The following TANC2 variants were observed in gnomAD, a reference collection of about 807,000 sequenced individuals.
TANC2 encodes the protein tetratricopeptide repeat, ankyrin repeat and coiled-coil containing 2.
TANC2 carries 26 observed loss-of-function variants against 210.5 expected under a neutral mutation model. The ratio of observed to expected loss-of-function variants is 0.12; its 90% confidence interval spans 0.09 to 0.17. The LOEUF is 0.17. Ranked by LOEUF, TANC2 falls within the 10% of genes least tolerant of loss-of-function variation. The probability of loss-of-function intolerance (pLI) is 1.00; values close to 1 mark genes in which losing one functional copy is unlikely to be tolerated. For synonymous variants in TANC2, 931 were observed against 967.1 expected, an observed-to-expected ratio of 0.96 and a Z score of 0.69; for missense variants, 2,129 against 2,608.9, an observed-to-expected ratio of 0.82 and a Z score of 4.01.
chr17:63,173,965 C>T (rs1183420011), intron 5 of TANC2, among the ~76,000 whole-genome samples: 1 of 152,214 alleles, frequency 6.6e-6, no homozygotes, highest in Non-Finnish European at 1.5e-5. Flanking sequence ...TAATTCCACT[C>T]TACAAGTTCT....
chr17:63,337,112 C>T (rs888698315), intron 11 of TANC2, among the ~76,000 whole-genome samples: 5 of 152,118 alleles, frequency 3.3e-5, no homozygotes, highest in African/African-American at 4.8e-5. Flanking sequence ...ATACCTACTA[C>T]GTAACTACTT....
chr17:63,099,397 C>A, intron 4 of TANC2, 40 bp downstream of exon 4: 1 of 1,403,610 alleles, frequency 7.1e-7, no homozygotes, highest in Non-Finnish European at 9.5e-7. Context: ...TAACAGGAAA[C>A]CTAACGATAT....
At chr17:63,397,406 T>C (rs536933850) in intron 18 of TANC2, among the ~76,000 whole-genome samples, 8 of 152,386 alleles carry the variant, frequency 5.2e-5, no homozygotes, top group South Asian at 2.1e-4. Flanking sequence ...TTGTAACTTA[T>C]AACGAAAGTT....
chr17:63,113,567 G>A (rs1438522571), intron 4 of TANC2, among the ~76,000 whole-genome samples: 1 of 152,148 alleles, frequency 6.6e-6, no homozygotes, highest in African/African-American at 2.4e-5. Flanking sequence ...GAGTGTGGTG[G>A]CACAATCACT....
intron 5 of TANC2, chr17:63,151,645 A>G (rs1273921578): frequency 6.6e-6 from 1 of 152,424 alleles, no homozygotes; most frequent in Non-Finnish European, 1.5e-5. Context: ...AGTTTTAGGT[A>G]AGTAGGGTTA....
chr17:62,980,331 C>G (rs540920627), intron 1 of TANC2, among the ~76,000 whole-genome samples: 1 of 152,276 alleles, frequency 6.6e-6, no homozygotes, highest in Non-Finnish European at 1.5e-5. Context: ...AGGATCCATA[C>G]AGATGCTTTT....
chr17:63,226,442 G>A (rs2042331319), intron 7 of TANC2, among the ~76,000 whole-genome samples: 1 of 152,126 alleles, frequency 6.6e-6, no homozygotes, highest in Non-Finnish European at 1.5e-5. Flanking sequence ...AGCCAGTGGT[G>A]TGCTGTGGCC....
chr17:63,133,210 G>A lies in TANC2; in HGVS notation c.323-18060G>A, dbSNP rs555367145. Among the ~76,000 whole-genome samples, 22 of 151,968 alleles carry A rather than the reference G, an allele frequency of 1.4e-4. No homozygotes were observed. In the East Asian group the frequency reaches 4.3e-3, roughly 30 times the overall value. The stretch of plus-strand genomic sequence containing the variant: ...GCTGGTCTCAAACTCATGATCTTGT[G>A]ATCCACCCGCCTCTGCCTCCCACAG... On this transcript the variant is annotated intron_variant, in intron 4 of 27. Coordinates refer to ENST00000689528, the Ensembl canonical transcript of TANC2.
chr17:63,181,241 T>A (rs987857794), intron 5 of TANC2, among the ~76,000 whole-genome samples: 1 of 152,124 alleles, frequency 6.6e-6, no homozygotes, highest in Non-Finnish European at 1.5e-5. Flanking sequence ...AATGGTCTTC[T>A]GATAATAACC....
At chr17:63,255,528 A>G (rs1209949949) in intron 8 of TANC2, among the ~76,000 whole-genome samples, 1 of 152,124 alleles carries the variant, frequency 6.6e-6, no homozygotes, top group African/African-American at 2.4e-5. Flanking sequence ...ATTTCTTCAT[A>G]GTTCAGTCTT....
chr17:63,158,612 T>G (rs2039920439), intron 5 of TANC2, among the ~76,000 whole-genome samples: 1 of 152,260 alleles, frequency 6.6e-6, no homozygotes, highest in East Asian at 1.9e-4. Context: ...ATTTATAAAT[T>G]ATCACATTTA....
chr17:62,998,637 C>T (rs1026697073), intron 1 of TANC2, among the ~76,000 whole-genome samples: 1 of 152,174 alleles, frequency 6.6e-6, no homozygotes, highest in African/African-American at 2.4e-5. Context: ...CCAAACATTT[C>T]CTATGTAGCC....
chr17:63,399,014 C>T, intron 19 of TANC2, 100 bp downstream of exon 19: 1 of 802,024 alleles, frequency 1.2e-6, no homozygotes, highest in Non-Finnish European at 2.0e-6. Flanking sequence ...TGGCAGTCTT[C>T]TGTCTCAGGC....
At chr17:63,404,127 C>A (rs1227364121) in intron 19 of TANC2, among the ~76,000 whole-genome samples, 1 of 152,126 alleles carries the variant, frequency 6.6e-6, no homozygotes, top group Non-Finnish European at 1.5e-5. Flanking sequence ...AAAAAAAAAT[C>A]TTTATCCTCT....
chr17:63,293,472 C>T (rs930739135), intron 9 of TANC2, among the ~76,000 whole-genome samples: 3 of 152,170 alleles, frequency 2.0e-5, no homozygotes, highest in African/African-American at 7.2e-5. Flanking sequence ...TACAACTCTG[C>T]TTTTATTTGC....
chr17:63,167,411 G>C (rs1567779753), intron 5 of TANC2, among the ~76,000 whole-genome samples: 1 of 152,082 alleles, frequency 6.6e-6, no homozygotes, highest in Admixed American at 6.6e-5. Flanking sequence ...ATGACAATCT[G>C]TTCATTAATG....
chr17:63,238,093 T>C lies in TANC2; in HGVS notation c.1033+16T>C, dbSNP rs1208491520. On this transcript the variant is annotated intron_variant, in intron 8 of 27. Transcript: ENST00000689528. ...TCAGTAGCAGGTAAGTTTTTGTTGT[T>C]GTTGTTGTTGTTGCTGTTGTTAAAT... is the stretch of plus-strand genomic sequence containing the variant. The C allele has an allele frequency of 1.3e-6, 2 of 1,521,356 alleles. No individual in the cohort carries two copies. The highest frequency in any genetic ancestry group is 1.7e-4 in the Middle Eastern group (1 of 5,856). The allele number at this position is 1,521,356 out of a possible 1,614,324, so 94.2% of individuals were successfully genotyped here. A position where few individuals can be genotyped will look rare whatever the true frequency, so the allele number is the denominator to read the frequency against.
intron 1 of TANC2, among the ~76,000 whole-genome samples, chr17:62,998,226 A>G (rs1053091315): frequency 2.6e-5 from 4 of 152,244 alleles, no homozygotes; most frequent in Non-Finnish European, 5.9e-5. Context: ...AGAAAAACCA[A>G]TAAAGAAGAA....
At chr17:63,063,531 CGTGTGTGTGTGTGT>C (rs59132639) in intron 2 of TANC2, among the ~76,000 whole-genome samples, 1,127 of 108,216 alleles carry the variant, frequency 0.01, 11 homozygotes, top group Non-Finnish European at 0.016. Context: ...GGGACAAAGA[CGTGTGTGTGTGTGT>C]GTGTGTGTGT....
Sources: allele counts gnomAD v4.1 joint callset (sites outside exome capture counted in the v4.1 genomes callset), GRCh38; gene constraint gnomAD v4.1.1; transcripts MANE v1.5; gene names NCBI Gene and HGNC (gene_info 2026-07-23, HGNC 2026-07-21).